PLEKHA2: variants seen among roughly 807,000 people sequenced by gnomAD.
The protein encoded by PLEKHA2 is pleckstrin homology domain containing A2, also known as pleckstrin homology domain-containing family A member 2.
A neutral mutation model predicts 53.2 loss-of-function variants in PLEKHA2; 28 were observed. That is an observed-to-expected ratio of 0.53 (90% confidence interval 0.39 to 0.72). The LOEUF (loss-of-function observed/expected upper bound fraction) is 0.72, where lower values mean the gene tolerates loss of function less well. Ranked by LOEUF, PLEKHA2 falls within the 30% of genes least tolerant of loss-of-function variation. The pLI, the probability that PLEKHA2 is intolerant of heterozygous loss-of-function variation, is 0.00. For missense variants in PLEKHA2, 426 were observed against 537.9 expected (o/e 0.79, Z 2.06); for synonymous variants, 193 against 196.4 (o/e 0.98, Z 0.14).
chr8:38,950,928 C>T lies in PLEKHA2; in HGVS notation c.424C>T (p.Pro142Ser), dbSNP rs1188589622. The T allele has an allele frequency of 1.9e-6, 3 of 1,613,986 alleles. No individual in the cohort carries two copies. Among genetic ancestry groups the T allele is most frequent in the Non-Finnish European group, 2.5e-6 (3 of 1,179,888 alleles). The part of the protein sequence containing the change: ...LAAPPALEKK[P>S]QVAYKTEIIG... The stretch of plus-strand genomic sequence containing the variant: ...AGCTCCTCCAGCCCTGGAGAAGAAG[C>T]CACAGGTGGCCTACAAGACGGAGAT... The change falls in exon 6 of 12, where the codon CCA becomes TCA. Residue 142 changes from proline to serine, a missense_variant. By Grantham distance (74) the Pro-to-Ser change is moderately conservative (BLOSUM62 -1). Coordinates refer to ENST00000617275, the MANE Select transcript of PLEKHA2 (RefSeq NM_021623.2).
chr8:38,952,024 A>T, intron 6 of PLEKHA2, 142 bp from the exon 7 acceptor site: 1 of 1,086,748 alleles, frequency 9.2e-7, no homozygotes, highest in Non-Finnish European at 1.3e-6. Flanking sequence ...TGTTGGGATT[A>T]CAGGCGTGAG....
intron 10 of PLEKHA2, among the ~76,000 whole-genome samples, chr8:38,958,865 C>T (rs769542371): frequency 3.3e-5 from 5 of 152,152 alleles, no homozygotes; most frequent in South Asian, 2.1e-4. Context: ...GAGAGCTCGT[C>T]AAGTCCATAG....
chr8:38,902,230 T>TG (rs1833801089), intron 1 of PLEKHA2, among the ~76,000 whole-genome samples: 1 of 86,108 alleles, frequency 1.2e-5, no homozygotes, highest in African/African-American at 4.0e-5. Flanking sequence ...TGGGGGGGGG[T>TG]GGTGGGAAGC....
intron 2 of PLEKHA2, among the ~76,000 whole-genome samples, chr8:38,930,441 T>A (rs1435940698): frequency 2.0e-5 from 3 of 152,086 alleles, no homozygotes; most frequent in African/African-American, 7.2e-5. Context: ...TGACCTCAGG[T>A]GATCCCCCTG....
intron 10 of PLEKHA2, among the ~76,000 whole-genome samples, chr8:38,966,287 G>A (rs562136190): frequency 4.8e-4 from 72 of 151,570 alleles, no homozygotes; most frequent in African/African-American, 1.7e-3. Flanking sequence ...AATGCAAAGA[G>A]GAGGGGTCAC....
chr8:38,950,234 A>G (rs192485569), intron 5 of PLEKHA2, among the ~76,000 whole-genome samples: 11 of 151,742 alleles, frequency 7.2e-5, no homozygotes, highest in Admixed American at 3.3e-4. Context: ...GGATCTCACT[A>G]TGTTCCCCAG....
chr8:38,946,001 T>C, intron 4 of PLEKHA2, 123 bp from the exon 5 acceptor site: 1 of 725,428 alleles, frequency 1.4e-6, no homozygotes, highest in South Asian at 1.8e-5. Context: ...GGGAGATTTC[T>C]TGTTCTGCTT....
At chr8:38,908,755 G>A (rs1204139690) in intron 1 of PLEKHA2, among the ~76,000 whole-genome samples, 1 of 152,132 alleles carries the variant, frequency 6.6e-6, no homozygotes, top group Non-Finnish European at 1.5e-5. Flanking sequence ...CTTATGATGT[G>A]GTGAGTTTTC....
chr8:38,936,766 C>G (rs1213209669), intron 3 of PLEKHA2, among the ~76,000 whole-genome samples: 1 of 152,356 alleles, frequency 6.6e-6, no homozygotes, highest in Non-Finnish European at 1.5e-5. Context: ...ACTGCTGACC[C>G]GTGATGCAGC....
Position 38,933,783 on chromosome 8 carries a change from A to AAAAAAAAAAAG in PLEKHA2, c.142-2201_142-2200insGAAAAAAAAAA, listed in dbSNP as rs1296450463. On this transcript the variant is annotated intron_variant, in intron 2 of 11. Coordinates refer to ENST00000617275, the MANE Select transcript of PLEKHA2 (RefSeq NM_021623.2). ...CCTACCCAATAGAGGTTTCCTAAAA[A>AAAAAAAAAAAG]AAAAAAAAAAAGAAAAGAAAGAAAA... Among the ~76,000 whole-genome samples, 4 of 144,290 alleles carry AAAAAAAAAAAG rather than the reference A, an allele frequency of 2.8e-5. 1 individual carries two copies. Among genetic ancestry groups the AAAAAAAAAAAG allele is most frequent in the Non-Finnish European group, 6.0e-5 (4 of 66,584 alleles). The allele number at this position is 144,290 out of a possible 152,430, so 94.7% of individuals were successfully genotyped here. A position where few individuals can be genotyped will look rare whatever the true frequency, so the allele number is the denominator to read the frequency against.
chr8:38,921,974 C>T (rs1372421410), intron 2 of PLEKHA2, among the ~76,000 whole-genome samples: 1 of 152,212 alleles, frequency 6.6e-6, no homozygotes, highest in African/African-American at 2.4e-5. Context: ...GTGTGCCAAG[C>T]ACACTTCATT....
intron 1 of PLEKHA2, among the ~76,000 whole-genome samples, chr8:38,909,394 T>A (rs1274730673): frequency 1.3e-5 from 2 of 152,156 alleles, no homozygotes; most frequent in Non-Finnish European, 2.9e-5. Flanking sequence ...CCTGGGTGTA[T>A]AAGAATCCTA....
chr8:38,964,111 A>C (rs1296727995), intron 10 of PLEKHA2, among the ~76,000 whole-genome samples: 2 of 152,236 alleles, frequency 1.3e-5, no homozygotes, highest in Non-Finnish European at 2.9e-5. Context: ...AAAGGGTGTG[A>C]ATTCTTTAAT....
At chr8:38,903,611 C>T (rs1160426154) in intron 1 of PLEKHA2, among the ~76,000 whole-genome samples, 1 of 152,122 alleles carries the variant, frequency 6.6e-6, no homozygotes, top group Non-Finnish European at 1.5e-5. Flanking sequence ...GAGCAGCCCT[C>T]CCACTACCTT....
chr8:38,918,572 C>T (rs1249244038), intron 2 of PLEKHA2, among the ~76,000 whole-genome samples: 2 of 95,300 alleles, frequency 2.1e-5, no homozygotes. Flanking sequence ...TATACACACA[C>T]ATGCACACAC....
chr8:38,916,240 G>A (rs1048231756), intron 1 of PLEKHA2, among the ~76,000 whole-genome samples: 5 of 152,172 alleles, frequency 3.3e-5, no homozygotes, highest in Admixed American at 6.5e-5. Flanking sequence ...GCCTCCCAAA[G>A]TGCTGGGATT....
intron 9 of PLEKHA2, among the ~76,000 whole-genome samples, chr8:38,954,586 GA>G (rs1834903545): frequency 1.3e-5 from 2 of 152,158 alleles, no homozygotes; most frequent in Non-Finnish European, 2.9e-5. Flanking sequence ...GACTAGCAGG[GA>G]AGGAAGGTCC....
rs766568576 is a variant in PLEKHA2 at position 38,969,483 on chromosome 8, G to A, written c.978G>A (p.Gly326=). 9 of 1,613,712 alleles carry A rather than the reference G, an allele frequency of 5.6e-6. No individual in the cohort carries two copies. The highest frequency in any genetic ancestry group is 7.6e-6 in the Non-Finnish European group (9 of 1,179,852). The change falls in exon 12 of 12, where the codon GGG becomes GGA. Residue 326 remains glycine, a synonymous_variant. Transcript: ENST00000617275. The part of the protein sequence containing the change: ...TRPGSSSLSS[G]PNSILCRGRP... Reference sequence around the variant, plus strand: ...CTGGAAGCTCCAGCCTTTCAAGTGGGCCCAACTCTATCCTGTGCAGGGGGC... The same window carrying A: ...CTGGAAGCTCCAGCCTTTCAAGTGGACCCAACTCTATCCTGTGCAGGGGGC...
chr8:38,969,746 A>C lies in PLEKHA2; in HGVS notation c.1241A>C (p.Asn414Thr). The C allele has an allele frequency of 7.0e-7, 1 of 1,425,010 alleles. No individual in the cohort carries two copies. The highest frequency in any genetic ancestry group is 9.3e-7 in the Non-Finnish European group (1 of 1,070,514). 88.3% of individuals were successfully genotyped at this position (1,425,010 alleles called of 1,614,324 possible). A position where few individuals can be genotyped will look rare whatever the true frequency, so the allele number is the denominator to read the frequency against. Residue 414 changes from asparagine (N) to threonine (T), a missense_variant, in exon 12 of 12, where the codon AAC becomes ACC. By Grantham distance (65) the Asn-to-Thr change is moderately conservative. Transcript: ENST00000617275. ...QHPKEKPFMFNLDDENIRTSD... is the reference protein window; with the variant it reads ...QHPKEKPFMFTLDDENIRTSD... The stretch of plus-strand genomic sequence containing the variant: ...CCCAAGGAGAAGCCGTTTATGTTCA[A>C]CCTTGATGATGAAAACATACGGACC...
Sources: gnomAD v4.1 joint callset for allele counts (sites outside exome capture counted in the v4.1 genomes callset) on GRCh38, gnomAD v4.1.1 for gene constraint, MANE v1.5 for transcripts, NCBI Gene and HGNC (gene_info 2026-07-23, HGNC 2026-07-21) for gene names.